The following GRM5 variants were observed in gnomAD, a reference collection of about 807,000 sequenced individuals.
GRM5 encodes the protein metabotropic glutamate receptor 5.
Under a neutral mutation model 83.1 loss-of-function variants are expected in GRM5, and 19 were observed. The observed-to-expected ratio is 0.23, with a 90% confidence interval of 0.16 to 0.34. GRM5 has a LOEUF of 0.34. Among genes scored for constraint, GRM5 ranks in the 10% least tolerant of loss-of-function variants. The probability of loss-of-function intolerance (pLI) is 1.00; values close to 1 mark genes in which losing one functional copy is unlikely to be tolerated. For synonymous variants in GRM5, 675 were observed against 633.6 expected (o/e 1.07, Z -0.98); for missense variants, 1,160 against 1,588.3 (o/e 0.73, Z 4.58).
chr11:88,993,773 G>A (rs1055618149), intron 2 of GRM5, among the ~76,000 whole-genome samples: 4 of 152,130 alleles, frequency 2.6e-5, no homozygotes, highest in Non-Finnish European at 5.9e-5. Flanking sequence ...CCAGGCTGGA[G>A]TGCAGTGATG....
intron 3 of GRM5, among the ~76,000 whole-genome samples, chr11:88,674,647 A>T (rs768825753): frequency 1.3e-5 from 2 of 151,808 alleles, no homozygotes; most frequent in Non-Finnish European, 2.9e-5. Flanking sequence ...ACTCTTTCTC[A>T]CCAGGAATCT....
intron 4 of GRM5, among the ~76,000 whole-genome samples, chr11:88,618,576 GA>G (rs1938546754): frequency 6.8e-6 from 1 of 146,320 alleles, no homozygotes; most frequent in African/African-American, 2.6e-5. Context: ...GCTGCTGACA[GA>G]AACATAAGTA....
chr11:89,013,077 T>C (rs1940753051), intron 2 of GRM5, among the ~76,000 whole-genome samples: 1 of 152,232 alleles, frequency 6.6e-6, no homozygotes, highest in Non-Finnish European at 1.5e-5. Flanking sequence ...TCACTGAATC[T>C]AAGATCTTGC....
chr11:88,671,651 A>G (rs550277591), intron 3 of GRM5, among the ~76,000 whole-genome samples: 1 of 152,226 alleles, frequency 6.6e-6, no homozygotes, highest in East Asian at 1.9e-4. Context: ...CATAATACCA[A>G]GTTAAAGAAA....
intron 3 of GRM5, among the ~76,000 whole-genome samples, chr11:88,798,648 GT>G (rs1194286760): frequency 6.6e-6 from 1 of 151,898 alleles, no homozygotes; most frequent in Non-Finnish European, 1.5e-5. Context: ...AAATATGTAT[GT>G]TTTTGGAAAG....
intron 8 of GRM5, among the ~76,000 whole-genome samples, chr11:88,563,588 G>A (rs541775559): frequency 1.3e-5 from 2 of 152,202 alleles, no homozygotes; most frequent in East Asian, 1.9e-4. Flanking sequence ...GGGCTGGGTC[G>A]AGCATGGTAG....
At chr11:88,885,368 T>C (rs1945024911) in intron 2 of GRM5, among the ~76,000 whole-genome samples, 3 of 149,620 alleles carry the variant, frequency 2.0e-5, no homozygotes, top group Non-Finnish European at 4.4e-5. Context: ...GAAATCCTTC[T>C]ATAGAAAAAT....
chr11:88,840,234 TAG>T (rs746029275), intron 3 of GRM5, among the ~76,000 whole-genome samples: 1 of 152,174 alleles, frequency 6.6e-6, no homozygotes, highest in Non-Finnish European at 1.5e-5. Flanking sequence ...CCCTGTATCA[TAG>T]AAAGGATCAT....
chr11:88,545,841 T>C (rs1241403067), intron 8 of GRM5, among the ~76,000 whole-genome samples: 1 of 152,100 alleles, frequency 6.6e-6, no homozygotes, highest in Non-Finnish European at 1.5e-5. Context: ...GTAACTCCTC[T>C]TCTCAAAGCT....
chr11:89,035,755 TATTC>T (rs952602347), intron 2 of GRM5, among the ~76,000 whole-genome samples: 28 of 152,152 alleles, frequency 1.8e-4, no homozygotes, highest in African/African-American at 6.5e-4. Flanking sequence ...ATAAGTTATA[TATTC>T]ATTGTTATAA....
At chr11:88,991,042 G>T (rs1238488234) in intron 2 of GRM5, among the ~76,000 whole-genome samples, 2 of 152,136 alleles carry the variant, frequency 1.3e-5, no homozygotes, top group Admixed American at 1.3e-4. Context: ...GAAATAAAGG[G>T]TATTCAATTA....
At chr11:88,922,509 GA>G (rs930241845) in intron 2 of GRM5, among the ~76,000 whole-genome samples, 3 of 152,142 alleles carry the variant, frequency 2.0e-5, no homozygotes, top group Non-Finnish European at 4.4e-5. Context: ...ATGGTGTTTG[GA>G]AAACTGGGTA....
chr11:88,987,706 AC>A, intron 2 of GRM5, among the ~76,000 whole-genome samples: 1 of 151,788 alleles, frequency 6.6e-6, no homozygotes, highest in Non-Finnish European at 1.5e-5. Context: ...CTGACCCCTG[AC>A]CCCCGAGCAG....
Position 88,792,232 on chromosome 11 carries a change from A to T in GRM5, c.911+57674T>A, listed in dbSNP as rs1943187964. Among the ~76,000 whole-genome samples the T allele has an allele frequency of 2.6e-5, 4 of 152,236 alleles. No homozygotes were observed. The South Asian group carries it at 8.3e-4, about 32-fold the overall frequency. On this transcript the variant is annotated intron_variant, in intron 3 of 9. Transcript: ENST00000305447. Reference sequence around the variant, plus strand: ...AGGGGCCTGAAAATATCTCATAGATATTATTGCTCTAGAAAGAGTCCATTT... The same window carrying T: ...AGGGGCCTGAAAATATCTCATAGATTTTATTGCTCTAGAAAGAGTCCATTT...
intron 2 of GRM5, among the ~76,000 whole-genome samples, chr11:88,863,956 A>C (rs1290400418): frequency 6.6e-6 from 1 of 150,624 alleles, no homozygotes; most frequent in African/African-American, 2.4e-5. Context: ...TATAATAGAG[A>C]CTCCCTTTTT....
chr11:89,064,937 AGAGG>A (rs71046277), intron 1 of GRM5, among the ~76,000 whole-genome samples: 2,301 of 57,396 alleles, frequency 0.04, 161 homozygotes, highest in African/African-American at 0.098. Context: ...AGAGAGAGAG[AGAGG>A]GAGAGAGAGA....
intron 6 of GRM5, among the ~76,000 whole-genome samples, chr11:88,592,295 A>G (rs1937657484): frequency 6.6e-6 from 1 of 152,338 alleles, no homozygotes; most frequent in African/African-American, 2.4e-5. Context: ...AAATAAAACA[A>G]CACAGTGATT....
At chr11:89,011,401 T>C (rs1290414425) in intron 2 of GRM5, among the ~76,000 whole-genome samples, 2 of 152,162 alleles carry the variant, frequency 1.3e-5, no homozygotes, top group African/African-American at 4.8e-5. Context: ...GTGAATATCG[T>C]GGGAATAACT....
intron 2 of GRM5, among the ~76,000 whole-genome samples, chr11:88,996,973 G>C (rs1940203729): frequency 6.6e-6 from 1 of 152,140 alleles, no homozygotes; most frequent in African/African-American, 2.4e-5. Flanking sequence ...AAAATTTGTG[G>C]AACACAGCTA....
Sources: allele counts gnomAD v4.1 joint callset (sites outside exome capture counted in the v4.1 genomes callset), GRCh38; gene constraint gnomAD v4.1.1; transcripts MANE v1.5; gene names NCBI Gene and HGNC (gene_info 2026-07-23, HGNC 2026-07-21).